The following NME7 variants were observed in gnomAD, a reference collection of about 807,000 sequenced individuals.
The protein encoded by NME7 is NME/NM23 family member 7, also known as nucleoside diphosphate kinase 7.
NME7 carries 41 observed loss-of-function variants against 49.1 expected under a neutral mutation model. That is an observed-to-expected ratio of 0.83 (90% CI 0.65 to 1.08). The LOEUF is 1.08. Among genes scored for constraint, NME7 ranks in the 50% least tolerant of loss-of-function variants. The pLI is 0.00. For synonymous variants in NME7, 139 were observed against 150.6 expected (o/e 0.92, Z 0.56); for missense variants, 423 against 463.4 (o/e 0.91, Z 0.80).
chr1:169,344,529 C>T (rs926493534), intron 1 of NME7, among the ~76,000 whole-genome samples: 4 of 152,124 alleles, frequency 2.6e-5, no homozygotes, highest in Non-Finnish European at 4.4e-5. Flanking sequence ...TCATGAATCC[C>T]CTTAGTTCAA....
At chr1:169,312,550 A>C (rs1651437902) in intron 3 of NME7, among the ~76,000 whole-genome samples, 1 of 152,206 alleles carries the variant, frequency 6.6e-6, no homozygotes, top group Non-Finnish European at 1.5e-5. Flanking sequence ...TTAGCAATAC[A>C]CGGTAACTAC....
intron 1 of NME7, among the ~76,000 whole-genome samples, chr1:169,360,183 G>A (rs898997079): frequency 2.0e-5 from 3 of 152,082 alleles, no homozygotes; most frequent in Non-Finnish European, 4.4e-5. Context: ...AGCTCTGCTC[G>A]CCACACCTTA....
In NME7 at chr1:169,312,753, A is replaced by C. The variant is rs141513699; in HGVS notation, c.279-2673T>G. On this transcript the variant is annotated intron_variant, in intron 3 of 11. Transcript: ENST00000367811. ...TAAATGTCCCAGACAGTATAGTGCT[A>C]TTGCTATGTAATAAAGTCTTAGATA... 4.6e-5 allele frequency among the ~76,000 whole-genome samples: 7 copies of C among 152,356 alleles called. No homozygotes were observed. In the East Asian group the frequency reaches 9.6e-4, roughly 21 times the overall value.
At chr1:169,294,477 TG>T (rs1407553563) in intron 6 of NME7, among the ~76,000 whole-genome samples, 1 of 152,162 alleles carries the variant, frequency 6.6e-6, no homozygotes. Flanking sequence ...AAAGATGGAA[TG>T]AAAAATTAGA....
At chr1:169,220,473 G>A (rs1329481098) in intron 10 of NME7, among the ~76,000 whole-genome samples, 1 of 151,944 alleles carries the variant, frequency 6.6e-6, no homozygotes, top group Non-Finnish European at 1.5e-5. Flanking sequence ...AATTGGGAAC[G>A]GTGTTGGTCA....
At chr1:169,273,261 C>A (rs987841268) in intron 7 of NME7, among the ~76,000 whole-genome samples, 2 of 130,082 alleles carry the variant, frequency 1.5e-5, no homozygotes, top group Admixed American at 1.5e-4. Flanking sequence ...TCCCTGTGTC[C>A]ATGTGTTTTC....
rs563286020 is a variant in NME7, at chr1:169,254,989, C to T, written c.755-17302G>A. 9.0e-4 allele frequency among the ~76,000 whole-genome samples: 121 copies of T among 133,784 alleles called. 5 individuals are homozygous for T. Among genetic ancestry groups the T allele is most frequent in the Middle Eastern group, 7.5e-3 (2 of 268 alleles). The allele number at this position is 133,784 out of a possible 152,430, so 87.8% of individuals were successfully genotyped here. Reference sequence around the variant, plus strand: ...GAGGAGAGCTTTACTTCCAACTATGCGGTCAATTTTGGAATAGGTGTGGTG... The same window carrying T: ...GAGGAGAGCTTTACTTCCAACTATGTGGTCAATTTTGGAATAGGTGTGGTG... On this transcript the variant is annotated intron_variant, in intron 7 of 11. Transcript: ENST00000367811.
At chr1:169,315,726 G>A (rs1400839) in intron 3 of NME7, among the ~76,000 whole-genome samples, 96,333 of 151,990 alleles carry the variant, frequency 0.63, 30,817 homozygotes, top group East Asian at 0.92. Flanking sequence ...ACAAATCTCC[G>A]TATGTTTGGA....
At chr1:169,151,692 G>GT (rs2101822423) in intron 11 of NME7, among the ~76,000 whole-genome samples, 1 of 152,314 alleles carries the variant, frequency 6.6e-6, no homozygotes, top group Admixed American at 6.5e-5. Flanking sequence ...AGGCCCTTGG[G>GT]TAAGAATGTG....
intron 10 of NME7, among the ~76,000 whole-genome samples, chr1:169,204,132 A>C (rs1248318725): frequency 6.6e-6 from 1 of 151,900 alleles, no homozygotes; most frequent in Admixed American, 6.6e-5. Flanking sequence ...CTGGGATTGC[A>C]GGAGTGAGTC....
At chr1:169,323,075 A>G (rs577318045) in intron 3 of NME7, 42 bp downstream of exon 3, 90 of 1,452,894 alleles carry the variant, frequency 6.2e-5, no homozygotes, top group Non-Finnish European at 7.8e-5. Context: ...CTTTGAACCC[A>G]AAGTTAGAGC....
At chr1:169,196,610 C>T (rs183025844) in intron 10 of NME7, among the ~76,000 whole-genome samples, 8 of 152,266 alleles carry the variant, frequency 5.3e-5, no homozygotes, top group Admixed American at 3.9e-4. Context: ...GATACTTTCA[C>T]AATTAATAAA....
chr1:169,352,026 A>G (rs1309707540), intron 1 of NME7, among the ~76,000 whole-genome samples: 1 of 152,032 alleles, frequency 6.6e-6, no homozygotes, highest in Non-Finnish European at 1.5e-5. Context: ...TATTCAAACT[A>G]TTCCAAAAAA....
intron 1 of NME7, among the ~76,000 whole-genome samples, chr1:169,328,426 G>A (rs1444426202): frequency 2.0e-5 from 3 of 152,126 alleles, no homozygotes; most frequent in Non-Finnish European, 2.9e-5. Flanking sequence ...CTTTAGAACT[G>A]CATTGTACAC....
At chr1:169,169,953 A>G (rs1045312401) in intron 10 of NME7, among the ~76,000 whole-genome samples, 1 of 152,232 alleles carries the variant, frequency 6.6e-6, no homozygotes, top group African/African-American at 2.4e-5. Context: ...ATATGGTCAC[A>G]AATAGCCCTG....
chr1:169,362,385 A>G (rs551054470), intron 1 of NME7, among the ~76,000 whole-genome samples: 1 of 152,322 alleles, frequency 6.6e-6, no homozygotes, highest in African/African-American at 2.4e-5. Flanking sequence ...TAATATTAAT[A>G]TCTTTGTCAA....
rs1336300388 is a variant in NME7, at chr1:169,234,511, T to C, written c.888+620A>G. The stretch of plus-strand genomic sequence containing the variant: ...TAAATAATAATAAAAACAACAATAA[T>C]AGCAGGTAATATTTACTGAGTACTT... On this transcript the variant is annotated intron_variant, in intron 9 of 11. Coordinates refer to ENST00000367811, the MANE Select transcript of NME7 (RefSeq NM_013330.5). Among the ~76,000 whole-genome samples the C allele has an allele frequency of 1.3e-5, 2 of 152,074 alleles. 1 individual carries two copies. The highest frequency in any genetic ancestry group is 2.9e-5 in the Non-Finnish European group (2 of 67,984).
At chr1:169,231,139 AAT>A (rs529466857) in intron 9 of NME7, among the ~76,000 whole-genome samples, 1 of 151,942 alleles carries the variant, frequency 6.6e-6, no homozygotes, top group Non-Finnish European at 1.5e-5. Flanking sequence ...CACATTACTA[AAT>A]ATATATATAT....
At chr1:169,361,233 T>C (rs973782159) in intron 1 of NME7, among the ~76,000 whole-genome samples, 1 of 152,170 alleles carries the variant, frequency 6.6e-6, no homozygotes, top group Non-Finnish European at 1.5e-5. Flanking sequence ...TGAAAAAAAT[T>C]ATGGCATTAT....
Sources: gnomAD v4.1 joint callset for allele counts (sites outside exome capture counted in the v4.1 genomes callset) on GRCh38, gnomAD v4.1.1 for gene constraint, MANE v1.5 for transcripts, NCBI Gene and HGNC (gene_info 2026-07-23, HGNC 2026-07-21) for gene names.